GPRASP1: variants seen among roughly 807,000 people sequenced by gnomAD.
GPRASP1 encodes G protein-coupled receptor-associated sorting protein 1.
A neutral mutation model predicts 68.4 loss-of-function variants in GPRASP1; 28 were observed. The observed-to-expected ratio is 0.41, with a 90% CI of 0.30 to 0.56. The LOEUF (loss-of-function observed/expected upper bound fraction) is 0.56. GPRASP1 is among the 20% of genes least tolerant of loss of function. GPRASP1 has a pLI of 0.29. For synonymous variants in GPRASP1, 304 were observed against 358.2 expected (o/e 0.85, Z 1.71); for missense variants, 913 against 1,031.5 (o/e 0.89, Z 1.57).
chrX:102,651,709 G>T lies in GPRASP1; in HGVS notation c.-596G>T, dbSNP rs2081352468. The T allele has an allele frequency of 8.9e-6, 1 of 112,161 alleles. No homozygotes were observed. The highest frequency in any genetic ancestry group is 3.2e-5 in the African/African-American group (1 of 30,815). The allele number at this position is 112,161 out of a possible 1,213,427, so 9.2% of individuals were successfully genotyped here. On this transcript the variant is annotated 5_prime_UTR_variant, in exon 2 of 6. Coordinates refer to ENST00000537097, the MANE Select transcript of GPRASP1 (RefSeq NM_001184727.2). ...CAGCCTGGCAACGAGGAGACGATCC[G>T]TTCGGAGCCGGGCGCTAGAGAGAGG...
At position 102,658,817 on chromosome X, in the gene GPRASP1, A is replaced by G. The variant is rs747813509; in HGVS notation, c.*716A>G. 1 of 122,975 alleles carries G rather than the reference A, an allele frequency of 8.1e-6. No individual in the cohort carries two copies. The highest frequency in any genetic ancestry group is 4.6e-3 in the Middle Eastern group (1 of 218). The allele number at this position is 122,975 out of a possible 1,213,427, so 10.1% of individuals were successfully genotyped here. On this transcript the variant is annotated 3_prime_UTR_variant, in exon 6 of 6. Transcript: ENST00000537097. ...CTGAGGATTTGCATTTTACAGCTCAAAGTACAACTGCTGCTTCCATACTAC... is the reference window on the plus strand; with the variant it reads ...CTGAGGATTTGCATTTTACAGCTCAGAGTACAACTGCTGCTTCCATACTAC...
In GPRASP1 at chrX:102,658,154, T is replaced by C. The variant is rs756441903; in HGVS notation, c.*53T>C. ...TCCTTATGTTCCTGAGTTATGATCC[T>C]TGAGTAATGCTTTGATTTTAATAGT... On this transcript the variant is annotated 3_prime_UTR_variant, in exon 6 of 6. Transcript: ENST00000537097. 4 of 573,473 alleles carry C rather than the reference T, an allele frequency of 7.0e-6. No homozygotes were observed. Among genetic ancestry groups the C allele is most frequent in the Non-Finnish European group, 1.1e-5 (4 of 358,625 alleles). The allele number at this position is 573,473 out of a possible 1,213,427, so 47.3% of individuals were successfully genotyped here. A position where few individuals can be genotyped will look rare whatever the true frequency, so the allele number is the denominator to read the frequency against.
rs754064274 is a variant in GPRASP1, at chrX:102,656,475, G to A, written c.2562G>A (p.Pro854=). 9 of 1,207,992 alleles carry A rather than the reference G, an allele frequency of 7.5e-6. No individual in the cohort carries two copies. The highest frequency in any genetic ancestry group is 3.0e-5 in the East Asian group (1 of 33,669). Residue 854 remains proline (P), a synonymous_variant, in exon 6 of 6, where the codon CCG becomes CCA. Transcript: ENST00000537097. ...GSWFWEEEAS[P]EAVAGVGFES... is the part of the protein sequence containing the mutation. Reference sequence around the variant, plus strand: ...GGTTCTGGGAAGAAGAGGCCAGTCCGGAGGCAGTGGCAGGAGTCGGCTTTG... The same window carrying A: ...GGTTCTGGGAAGAAGAGGCCAGTCCAGAGGCAGTGGCAGGAGTCGGCTTTG...
chrX:102,656,502 G>T lies in GPRASP1; in HGVS notation c.2589G>T (p.Glu863Asp). Residue 863 changes from glutamate to aspartate, a missense_variant, in exon 6 of 6, where the codon GAG (glutamate) becomes GAT (aspartate). By Grantham distance (45) the Glu-to-Asp change is conservative. Transcript: ENST00000537097. The part of the protein sequence containing the change: ...SPEAVAGVGF[E>D]SKPGTEEEEI... ...AGGCAGTGGCAGGAGTCGGCTTTGA[G>T]TCAAAGCCTGGGACTGAGGAGGAAG... The T allele has an allele frequency of 8.3e-7, 1 of 1,210,488 alleles. No individual in the cohort carries two copies. The highest frequency in any genetic ancestry group is 1.1e-6 in the Non-Finnish European group (1 of 894,858).
At chrX:102,652,414 A>T (rs1303710453) in intron 3 of GPRASP1, 149 bp downstream of exon 3, 2 of 111,496 alleles carry the variant, frequency 1.8e-5, no homozygotes, top group African/African-American at 6.6e-5. Context: ...TTCCATCCCC[A>T]TCTGCCTCCC....
rs747916888 is a variant in GPRASP1 at position 102,657,637 on chromosome X, G to A, written c.3724G>A (p.Glu1242Lys). The A allele has an allele frequency of 2.5e-6, 3 of 1,211,057 alleles. No individual in the cohort carries two copies. The highest frequency in any genetic ancestry group is 4.3e-5 in the Admixed American group (2 of 46,084). Residue 1242 changes from glutamate to lysine, a missense_variant, in exon 6 of 6, where the codon GAG (glutamate) becomes AAG (lysine). Coordinates refer to ENST00000537097, the MANE Select transcript of GPRASP1 (RefSeq NM_001184727.2). The part of the protein sequence containing the change: ...IIQTYICKVC[E>K]ETLAYSVDSP... ...TCAGACATACATATGTAAAGTGTGT[G>A]AGGAAACCCTTGCTTATAGCGTGGA...
chrX:102,658,969 T>C lies in GPRASP1; in HGVS notation c.*868T>C, dbSNP rs1276451506. 1 of 123,035 alleles carries C rather than the reference T, an allele frequency of 8.1e-6. No individual in the cohort carries two copies. Among genetic ancestry groups the C allele is most frequent in the Non-Finnish European group, 1.9e-5 (1 of 53,202 alleles). 10.1% of individuals were successfully genotyped at this position (123,035 alleles called of 1,213,427 possible). A position where few individuals can be genotyped will look rare whatever the true frequency, so the allele number is the denominator to read the frequency against. On this transcript the variant is annotated 3_prime_UTR_variant, in exon 6 of 6. Coordinates refer to ENST00000537097, the MANE Select transcript of GPRASP1 (RefSeq NM_001184727.2). ...TACAGCCATTAAACATGATGATGTA[T>C]AGGGTTTTAGGAAAAGCCCTGACAT...
rs1427722889 is a variant in GPRASP1 at position 102,654,363 on chromosome X, T to G, written c.450T>G (p.Pro150=). ...TTAATACAGACACTGAGAGCTTTCC[T>G]AGAAGGAAGGCCCATTACCAAGCAG... The part of the protein sequence containing the change: ...ELVNTDTESF[P]RRKAHYQAGF... The change falls in exon 6 of 6, where the codon CCT becomes CCG. Residue 150 remains proline, a synonymous_variant. Transcript: ENST00000537097. 1 of 1,210,922 alleles carries G rather than the reference T, an allele frequency of 8.3e-7. No individual in the cohort carries two copies.
rs200784775 is a variant in GPRASP1 at position 102,655,871 on chromosome X, G to A, written c.1958G>A (p.Ser653Asn). 63 of 1,209,630 alleles carry A rather than the reference G, an allele frequency of 5.2e-5. No individual in the cohort carries two copies. The highest frequency in any genetic ancestry group is 6.8e-5 in the Non-Finnish European group (61 of 895,095). The change falls in exon 6 of 6, where the codon AGT becomes AAT. Residue 653 changes from serine to asparagine, a missense_variant. Coordinates refer to ENST00000537097, the MANE Select transcript of GPRASP1 (RefSeq NM_001184727.2). ...IPCFGAKEEVSMKHGTGVRCR... is the reference protein window; with the variant it reads ...IPCFGAKEEVNMKHGTGVRCR... ...TGTTTTGGAGCCAAAGAAGAGGTCA[G>A]TATGAAGCATGGGACTGGTGTCAGA...
chrX:102,655,251 T>C lies in GPRASP1; in HGVS notation c.1338T>C (p.Ser446=), dbSNP rs1290833362. 1 of 1,210,891 alleles carries C rather than the reference T, an allele frequency of 8.3e-7. No homozygotes were observed. Residue 446 remains serine, a synonymous_variant, in exon 6 of 6, where the codon AGT becomes AGC. Transcript: ENST00000537097. Reference sequence around the variant, plus strand: ...GGTTCTGGACTGAAGAAGAGGCCAGTATGGGGACTGGGGCTAGCAGTAAAT... The same window carrying C: ...GGTTCTGGACTGAAGAAGAGGCCAGCATGGGGACTGGGGCTAGCAGTAAAT... ...GSWFWTEEEA[S]MGTGASSKSR... is the part of the protein sequence containing the mutation.
Position 102,658,135 on chromosome X carries a change from T to C in GPRASP1, c.*34T>C, listed in dbSNP as rs1423112889. The C allele has an allele frequency of 4.4e-6, 3 of 686,737 alleles. No homozygotes were observed. Among genetic ancestry groups the C allele is most frequent in the Non-Finnish European group, 6.7e-6 (3 of 448,301 alleles). 56.6% of individuals were successfully genotyped at this position (686,737 alleles called of 1,213,427 possible). A position where few individuals can be genotyped will look rare whatever the true frequency, so the allele number is the denominator to read the frequency against. On this transcript the variant is annotated 3_prime_UTR_variant, in exon 6 of 6. Coordinates refer to ENST00000537097, the MANE Select transcript of GPRASP1 (RefSeq NM_001184727.2). Reference sequence around the variant, plus strand: ...AATTGCTGGCCTCAGATTGTCCTTATGTTCCTGAGTTATGATCCTTGAGTA... The same window carrying C: ...AATTGCTGGCCTCAGATTGTCCTTACGTTCCTGAGTTATGATCCTTGAGTA...
In GPRASP1 at chrX:102,655,493, C is replaced by T. The variant is rs771190842; in HGVS notation, c.1580C>T (p.Ala527Val). 2.0e-5 allele frequency: 24 copies of T among 1,208,832 alleles called. No individual in the cohort carries two copies. Among genetic ancestry groups the T allele is most frequent in the Admixed American group, 8.8e-5 (4 of 45,668 alleles). ...GGGTCGTGGTTCTGGGTCATTGATG[C>T]GGCCAGTGTGGAATCTGGTGTTGGG... is the stretch of plus-strand genomic sequence containing the variant. ...IFGSWFWVID[A>V]ASVESGVGVS... The change falls in exon 6 of 6, where the codon GCG (alanine) becomes GTG (valine). Residue 527 changes from alanine (A) to valine (V), a missense_variant. Physicochemically the swap from Ala to Val is moderately conservative, Grantham distance 64. Coordinates refer to ENST00000537097, the MANE Select transcript of GPRASP1 (RefSeq NM_001184727.2).
rs1436590407 is a variant in GPRASP1 at position 102,656,052 on chromosome X, C to T, written c.2139C>T (p.Tyr713=). ...IVNSWFWSRK[Y]TKPEAIIGSW... ...ATTCGTGGTTCTGGTCCAGAAAATACACAAAGCCAGAGGCCATTATAGGGT... is the reference window on the plus strand; with the variant it reads ...ATTCGTGGTTCTGGTCCAGAAAATATACAAAGCCAGAGGCCATTATAGGGT... Residue 713 remains tyrosine, a synonymous_variant, in exon 6 of 6, where the codon TAC becomes TAT. Transcript: ENST00000537097. 8.3e-7 allele frequency: 1 copy of T among 1,210,988 alleles called. No homozygotes were observed. Among genetic ancestry groups the T allele is most frequent in the African/African-American group, 1.7e-5 (1 of 57,680 alleles).
rs1475759304 is a variant in GPRASP1, at chrX:102,658,662, G to A, written c.*561G>A. On this transcript the variant is annotated 3_prime_UTR_variant, in exon 6 of 6. Transcript: ENST00000537097. Reference sequence around the variant, plus strand: ...GACTCTGAAGTTTGGGAAAGATATTGGTGGTGTAAAAAAAAAAAAAAGCAT... The same window carrying A: ...GACTCTGAAGTTTGGGAAAGATATTAGTGGTGTAAAAAAAAAAAAAAGCAT... 2.1e-5 allele frequency: 2 copies of A among 94,412 alleles called. No homozygotes were observed. The highest frequency in any genetic ancestry group is 4.2e-5 in the Non-Finnish European group (2 of 47,310). The allele number at this position is 94,412 out of a possible 1,213,427, so 7.8% of individuals were successfully genotyped here. A position where few individuals can be genotyped will look rare whatever the true frequency, so the allele number is the denominator to read the frequency against.
In GPRASP1 at chrX:102,656,947, G is replaced by C. The variant is rs1484227076; in HGVS notation, c.3034G>C (p.Ala1012Pro). The C allele has an allele frequency of 8.3e-7, 1 of 1,209,273 alleles. No individual in the cohort carries two copies. Among genetic ancestry groups the C allele is most frequent in the Non-Finnish European group, 1.1e-6 (1 of 894,931 alleles). Reference sequence around the variant, plus strand: ...GTCCTGGTTCTGGGCAGGAGATGAGGCCCATTTTGAATCAAATCCTAGCCC... The same window carrying C: ...GTCCTGGTTCTGGGCAGGAGATGAGCCCCATTTTGAATCAAATCCTAGCCC... Reference protein sequence around the residue: ...VGSWFWAGDEAHFESNPSPVF... With the variant: ...VGSWFWAGDEPHFESNPSPVF... The change falls in exon 6 of 6, where the codon GCC becomes CCC. Residue 1012 changes from alanine (A) to proline (P), a missense_variant. By Grantham distance (27) the Ala-to-Pro change is conservative. Coordinates refer to ENST00000537097, the MANE Select transcript of GPRASP1 (RefSeq NM_001184727.2).
chrX:102,651,645 C>G (rs1364629931), intron 1 of GPRASP1, 42 bp from the exon 2 acceptor site: 1 of 111,767 alleles, frequency 8.9e-6, no homozygotes, highest in East Asian at 2.9e-4. Flanking sequence ...GGTGGTCCGC[C>G]AGGGTGGACC....
Position 102,655,529 on chromosome X carries a change from A to G in GPRASP1, c.1616A>G (p.Glu539Gly). 8.3e-7 allele frequency: 1 copy of G among 1,211,544 alleles called. No individual in the cohort carries two copies. Among genetic ancestry groups the G allele is most frequent in the Non-Finnish European group, 1.1e-6 (1 of 895,443 alleles). Residue 539 changes from glutamate (E) to glycine (G), a missense_variant, in exon 6 of 6, where the codon GAG (glutamate) becomes GGG (glycine). By Grantham distance (98) the Glu-to-Gly change is moderately conservative. Coordinates refer to ENST00000537097, the MANE Select transcript of GPRASP1 (RefSeq NM_001184727.2). ...GAATCTGGTGTTGGGGTCAGCTGTG[A>G]GTCCAGGACAAGGTCTGAGGAAGAA... ...SVESGVGVSCESRTRSEEEEV... is the reference protein window; with the variant it reads ...SVESGVGVSCGSRTRSEEEEV...
At position 102,656,443 on chromosome X, in the gene GPRASP1, G is replaced by A; in HGVS notation, c.2530G>A (p.Gly844Arg). The change falls in exon 6 of 6, where the codon GGG becomes AGG. Residue 844 changes from glycine (G) to arginine (R), a missense_variant. Physicochemically the swap from Gly to Arg is moderately radical, Grantham distance 125. Coordinates refer to ENST00000537097, the MANE Select transcript of GPRASP1 (RefSeq NM_001184727.2). The stretch of plus-strand genomic sequence containing the variant: ...AGCTGAAGAGGAAGAAGTCATTATT[G>A]GGTCCTGGTTCTGGGAAGAAGAGGC... ...PKAEEEEVII[G>R]SWFWEEEASP... The A allele has an allele frequency of 8.3e-7, 1 of 1,211,122 alleles. No homozygotes were observed. Among genetic ancestry groups the A allele is most frequent in the East Asian group, 3.0e-5 (1 of 33,805 alleles).
In GPRASP1 at chrX:102,655,473, G is replaced by C; in HGVS notation, c.1560G>C (p.Ser520=). 1 of 1,211,217 alleles carries C rather than the reference G, an allele frequency of 8.3e-7. No homozygotes were observed. Among genetic ancestry groups the C allele is most frequent in the Non-Finnish European group, 1.1e-6 (1 of 895,232 alleles). Residue 520 remains serine, a synonymous_variant, in exon 6 of 6, where the codon TCG becomes TCC. Transcript: ENST00000537097. ...QEAEEETIFG[S]WFWVIDAASV... is the part of the protein sequence containing the mutation. The stretch of plus-strand genomic sequence containing the variant: ...CTGAGGAAGAGACCATTTTTGGGTC[G>C]TGGTTCTGGGTCATTGATGCGGCCA...
Sources: allele counts gnomAD v4.1 joint callset, GRCh38; gene constraint gnomAD v4.1.1; transcripts MANE v1.5; gene names NCBI Gene and HGNC (gene_info 2026-07-23, HGNC 2026-07-21).